Variants in TP53BP1 observed in about 807,000 individuals in gnomAD.
The protein encoded by TP53BP1 is tumor protein p53 binding protein 1, also known as TP53-binding protein 1.
A neutral mutation model predicts 200.8 loss-of-function variants in TP53BP1; 61 were observed. The ratio of observed to expected loss-of-function variants is 0.30; its 90% CI spans 0.25 to 0.38. The LOEUF (loss-of-function observed/expected upper bound fraction) is 0.38. Among genes scored for constraint, TP53BP1 ranks in the 10% least tolerant of loss-of-function variants. The pLI, the probability that TP53BP1 is intolerant of heterozygous loss-of-function variation, is 1.00. For missense variants in TP53BP1, 2,144 were observed against 2,371.9 expected, an observed-to-expected ratio of 0.90 and a Z score of 2.00; for synonymous variants, 822 against 844.3, an observed-to-expected ratio of 0.97 and a Z score of 0.46.
intron 13 of TP53BP1, chr15:43,446,918 G>C (rs1038086312): frequency 5.6e-6 from 4 of 708,250 alleles, no homozygotes; most frequent in African/African-American, 1.8e-5. Context: ...GCACTGACTA[G>C]AGAAAACAAA....
chr15:43,480,194 AT>A (rs1159401210), intron 5 of TP53BP1, among the ~76,000 whole-genome samples, 177 bp from the exon 6 acceptor site: 1 of 152,186 alleles, frequency 6.6e-6, no homozygotes, highest in Non-Finnish European at 1.5e-5. Context: ...CACACCTATA[AT>A]CCCGGCATTT....
rs770120367 is a variant in TP53BP1 at position 43,456,611 on chromosome 15, C to G, written c.1997G>C (p.Gly666Ala). The change falls in exon 12 of 28, where the codon GGG (glycine) becomes GCG (alanine). Residue 666 changes from glycine to alanine, a missense_variant. Gly to Ala is a moderately conservative substitution (Grantham distance 60, BLOSUM62 0). This residue lies in a region of TP53BP1 where 1,700 missense variants were observed against 1,710.3 expected (regional missense o/e 0.99). Coordinates refer to ENST00000382044, the MANE Select transcript of TP53BP1 (RefSeq NM_001141980.3). The part of the protein sequence containing the change: ...KEHHPEEGSS[G>A]SEVEEIPETP... Reference sequence around the variant, plus strand: ...CTCAGGGATTTCTTCCACCTCAGACCCTGAAGACCCCTCCTCTGGATGGTG... The same window carrying G: ...CTCAGGGATTTCTTCCACCTCAGACGCTGAAGACCCCTCCTCTGGATGGTG... 1.2e-6 allele frequency: 2 copies of G among 1,614,044 alleles called. No homozygotes were observed. The highest frequency in any genetic ancestry group is 1.7e-5 in the Admixed American group (1 of 60,006).
chr15:43,443,881 T>C (rs1434022124), intron 14 of TP53BP1, among the ~76,000 whole-genome samples: 1 of 152,236 alleles, frequency 6.6e-6, no homozygotes, highest in Non-Finnish European at 1.5e-5. Context: ...TTTTTAATTA[T>C]TTCTAAAATA....
chr15:43,478,476 T>C (rs1250942066), intron 7 of TP53BP1, among the ~76,000 whole-genome samples: 5 of 152,218 alleles, frequency 3.3e-5, no homozygotes, highest in Non-Finnish European at 5.9e-5. Flanking sequence ...ACTCTTTCCA[T>C]TGAAGGAAAT....
rs1234354121 is a variant in TP53BP1 at position 43,456,003 on chromosome 15, T to G, written c.2605A>C (p.Thr869Pro). ...GCATTAGCCATTTTTGAGTCTTCTG[T>G]TAATGAATTACTTGTTTTCTCCTGA... ...QTQEKTSNSL[T>P]EDSKMANAKQ... The change falls in exon 12 of 28, where the codon ACA (threonine) becomes CCA (proline). Residue 869 changes from threonine to proline, a missense_variant. Thr to Pro is a conservative substitution (Grantham distance 38). Transcript: ENST00000382044. The G allele has an allele frequency of 6.2e-7, 1 of 1,614,140 alleles. No homozygotes were observed. Among genetic ancestry groups the G allele is most frequent in the Non-Finnish European group, 8.5e-7 (1 of 1,180,032 alleles).
intron 10 of TP53BP1, among the ~76,000 whole-genome samples, chr15:43,471,419 A>C (rs1468160779): frequency 1.3e-5 from 2 of 151,996 alleles, no homozygotes; most frequent in Non-Finnish European, 2.9e-5. Flanking sequence ...ACTGTTTACA[A>C]TCAGGGAGAA....
intron 11 of TP53BP1, among the ~76,000 whole-genome samples, chr15:43,464,361 T>C (rs1046496042): frequency 4.6e-5 from 7 of 152,256 alleles, no homozygotes; most frequent in East Asian, 1.9e-4. Context: ...GAAAAAAGAA[T>C]TTAGAAATTA....
Position 43,504,207 on chromosome 15 carries a change from G to A in TP53BP1, c.-9+6163C>T, listed in dbSNP as rs557487533. Among the ~76,000 whole-genome samples, 5 of 152,266 alleles carry A rather than the reference G, an allele frequency of 3.3e-5. No individual in the cohort carries two copies. In the South Asian group the frequency reaches 6.2e-4, roughly 19 times the overall value. ...TGCCCAAGCTGGAGCGCACTGGCAC[G>A]ATCACAGCTCACTGCAACCTCAAGT... On this transcript the variant is annotated intron_variant, in intron 1 of 27. Transcript: ENST00000263801.
At chr15:43,419,221 C>CA (rs1027841589) in intron 21 of TP53BP1, among the ~76,000 whole-genome samples, 23 of 151,766 alleles carry the variant, frequency 1.5e-4, no homozygotes, top group Admixed American at 3.9e-4. Flanking sequence ...GAGACTGTTT[C>CA]AAAAAAAAGT....
At chr15:43,426,601 T>C (rs1566925820) in intron 18 of TP53BP1, among the ~76,000 whole-genome samples, 2 of 151,536 alleles carry the variant, frequency 1.3e-5, no homozygotes, top group Admixed American at 1.3e-4. Context: ...CACTGAAAAA[T>C]AGTAATAATA....
chr15:43,408,720 C>T (rs765695142), intron 26 of TP53BP1, 177 bp downstream of exon 26: 2 of 624,004 alleles, frequency 3.2e-6, no homozygotes, highest in Non-Finnish European at 5.5e-6. Flanking sequence ...GGTTCCTAGC[C>T]AATGTAACCT....
chr15:43,460,766 T>C (rs182852275), intron 11 of TP53BP1, among the ~76,000 whole-genome samples: 30 of 151,956 alleles, frequency 2.0e-4, no homozygotes, highest in African/African-American at 7.2e-4. Context: ...CTCTAACTTA[T>C]AATCCCAACA....
At chr15:43,480,763 A>C in intron 5 of TP53BP1, 132 bp downstream of exon 5, 1 of 1,059,256 alleles carries the variant, frequency 9.4e-7, no homozygotes. Flanking sequence ...ATTACTAGCA[A>C]ATTTCTTAAT....
At chr15:43,451,478 TC>T (rs1400797385) in intron 12 of TP53BP1, among the ~76,000 whole-genome samples, 1 of 152,130 alleles carries the variant, frequency 6.6e-6, no homozygotes, top group Non-Finnish European at 1.5e-5. Flanking sequence ...AATGATGATT[TC>T]CAATTTCATC....
At chr15:43,494,417 C>A (rs1359170106), upstream of TP53BP1, among the ~76,000 whole-genome samples, 1 of 152,170 alleles carries the variant, frequency 6.6e-6, no homozygotes, top group African/African-American at 2.4e-5. Flanking sequence ...TCTGAATACA[C>A]GTTACTTATG....
At chr15:43,501,333 G>A (rs1449635366) in intron 1 of TP53BP1, among the ~76,000 whole-genome samples, 1 of 151,504 alleles carries the variant, frequency 6.6e-6, no homozygotes, top group Non-Finnish European at 1.5e-5. Flanking sequence ...TCCCAGCTCA[G>A]TCTCCTCGGG....
chr15:43,416,421 G>A lies in TP53BP1; in HGVS notation c.4682-5C>T, dbSNP rs528167739. 3.1e-6 allele frequency: 5 copies of A among 1,612,798 alleles called. No homozygotes were observed. Among genetic ancestry groups the A allele is most frequent in the African/African-American group, 1.3e-5 (1 of 74,832 alleles). On this transcript the variant is annotated splice_polypyrimidine_tract_variant and splice_region_variant and intron_variant, in intron 21 of 27. Coordinates refer to ENST00000382044, the MANE Select transcript of TP53BP1 (RefSeq NM_001141980.3). ...TCCTATGTCCTTTCACCACTCCTGG[G>A]GGGTGGAAAGCATAAAAGAAGCTTG...
chr15:43,506,737 CA>C (rs1294391230), intron 1 of TP53BP1, among the ~76,000 whole-genome samples: 1 of 152,234 alleles, frequency 6.6e-6, no homozygotes, highest in Non-Finnish European at 1.5e-5. Flanking sequence ...CCATAGCCAT[CA>C]AACACTACTA....
chr15:43,446,505 C>G lies in TP53BP1; in HGVS notation c.2922G>C (p.Gly974=), dbSNP rs1407781866. 1 of 1,614,010 alleles carries G rather than the reference C, an allele frequency of 6.2e-7. No homozygotes were observed. The highest frequency in any genetic ancestry group is 8.5e-7 in the Non-Finnish European group (1 of 1,180,016). Residue 974 remains glycine, a synonymous_variant, in exon 14 of 28, where the codon GGG becomes GGC. Coordinates refer to ENST00000382044, the MANE Select transcript of TP53BP1 (RefSeq NM_001141980.3). ...SMVETHDPIL[G]SGKGDSGAAP... is the part of the protein sequence containing the mutation. Reference sequence around the variant, plus strand: ...CAGCCCCAGAATCCCCTTTTCCACTCCCAAGTATGGGATCATGGGTCTCCA... The same window carrying G: ...CAGCCCCAGAATCCCCTTTTCCACTGCCAAGTATGGGATCATGGGTCTCCA...
Sources: allele counts gnomAD v4.1 joint callset (sites outside exome capture counted in the v4.1 genomes callset), GRCh38; gene constraint gnomAD v4.1.1; regional missense constraint gnomAD v4.1.1; transcripts MANE v1.5; gene names NCBI Gene and HGNC (gene_info 2026-07-23, HGNC 2026-07-21).